The following SMC4 variants were observed in gnomAD, a reference collection of about 807,000 sequenced individuals.
The protein encoded by SMC4 is structural maintenance of chromosomes 4, also known as structural maintenance of chromosomes protein 4.
In SMC4, 87 loss-of-function variants were observed where a neutral mutation model predicts 145.6. That is an observed-to-expected ratio of 0.60 (90% CI 0.50 to 0.71). The LOEUF is 0.71. SMC4 is among the 30% of genes least tolerant of loss of function. SMC4 has a pLI of 0.00. For synonymous variants in SMC4, 558 were observed against 500.7 expected, an observed-to-expected ratio of 1.11 and a Z score of -1.53; for missense variants, 1,447 against 1,537.1, an observed-to-expected ratio of 0.94 and a Z score of 0.98.
intron 13 of SMC4, among the ~76,000 whole-genome samples, chr3:160,422,003 A>G (rs1232764826): frequency 6.6e-6 from 1 of 152,234 alleles, no homozygotes; most frequent in East Asian, 1.9e-4. Context: ...TTTACTTAGC[A>G]GGTTTTCAGG....
At chr3:160,411,775 C>A (rs1257186404) in intron 5 of SMC4, 145 bp from the exon 6 acceptor site, 2 of 557,694 alleles carry the variant, frequency 3.6e-6, no homozygotes, top group Admixed American at 3.3e-5. Flanking sequence ...TTTATTTATA[C>A]CTTATTAAAT....
At chr3:160,432,939 A>G in intron 22 of SMC4, 87 bp from the exon 23 acceptor site, 1 of 839,686 alleles carries the variant, frequency 1.2e-6, no homozygotes, top group Non-Finnish European at 1.9e-6. Flanking sequence ...TAAAAAAGAT[A>G]GTAGAACTCA....
At chr3:160,425,802 A>G (rs1717728738) in intron 16 of SMC4, among the ~76,000 whole-genome samples, 1 of 152,214 alleles carries the variant, frequency 6.6e-6, no homozygotes. Flanking sequence ...ATATTCAAAT[A>G]ATTATTTTTC....
rs762532551 is a variant in SMC4 at position 160,416,274 on chromosome 3, T to C, written c.1296T>C (p.Pro432=). The part of the protein sequence containing the change: ...KEKVEEFKSI[P]AKSNNIINET... ...AGGTTGAAGAATTTAAAAGTATACC[T>C]GCCAAGAGTAACAATATCATTAATG... is the stretch of plus-strand genomic sequence containing the variant. The change falls in exon 10 of 24, where the codon CCT becomes CCC. Residue 432 remains proline, a synonymous_variant. Coordinates refer to ENST00000357388, the MANE Select transcript of SMC4 (RefSeq NM_001002800.3). 6.3e-7 allele frequency: 1 copy of C among 1,594,990 alleles called. No homozygotes were observed. The highest frequency in any genetic ancestry group is 8.5e-7 in the Non-Finnish European group (1 of 1,173,040).
At chr3:160,410,985 G>A (rs1404629388) in intron 5 of SMC4, among the ~76,000 whole-genome samples, 1 of 152,094 alleles carries the variant, frequency 6.6e-6, no homozygotes, top group Non-Finnish European at 1.5e-5. Flanking sequence ...ATAGTCTAGA[G>A]TACAAACAAG....
At chr3:160,417,555 A>T (rs1052532354) in intron 10 of SMC4, 168 bp from the exon 11 acceptor site, 2 of 615,158 alleles carry the variant, frequency 3.3e-6, no homozygotes, top group African/African-American at 3.7e-5. Context: ...GTGAATATTG[A>T]CAACTAGGCA....
intron 18 of SMC4, 152 bp from the exon 19 acceptor site, chr3:160,430,447 T>G (rs530399874): frequency 1.2e-5 from 8 of 651,522 alleles, no homozygotes; most frequent in Admixed American, 9.3e-5. Flanking sequence ...CTACAAAAAC[T>G]GATTTAAGGA....
chr3:160,412,402 C>A lies in SMC4; in HGVS notation c.929C>A (p.Thr310Asn), dbSNP rs1056638897. 2 of 1,605,770 alleles carry A rather than the reference C, an allele frequency of 1.2e-6. No homozygotes were observed. The highest frequency in any genetic ancestry group is 1.7e-6 in the Non-Finnish European group (2 of 1,173,434). Reference protein sequence around the residue: ...GEKNIAIEFLTLENEIFRKKN... With the variant: ...GEKNIAIEFLNLENEIFRKKN... ...AAAAACATAGCTATCGAATTTCTTA[C>A]CTTGGAAAATGAAATATTTAGAAAA... Residue 310 changes from threonine to asparagine, a missense_variant, in exon 7 of 24, where the codon ACC becomes AAC. Transcript: ENST00000357388.
chr3:160,431,211 ATTG>A lies in SMC4; in HGVS notation c.3114+9_3114+11del. The A allele has an allele frequency of 6.4e-7, 1 of 1,567,372 alleles. No homozygotes were observed. The highest frequency in any genetic ancestry group is 8.6e-7 in the Non-Finnish European group (1 of 1,161,256). ...TAAAATATTGGCACAAAGAGGTGAG[ATTG>A]TTACCGTTTAGTTTAATTTTAAACA... On this transcript the variant is annotated splice_region_variant and intron_variant, in intron 20 of 23. Transcript: ENST00000357388.
rs149574120 is a variant in SMC4, at chr3:160,404,232, A to G, written c.511-96A>G. The G allele has an allele frequency of 3.1e-4, 359 of 1,148,984 alleles. 3 individuals are homozygous for G. In the East Asian group the frequency reaches 9.0e-3, roughly 29 times the overall value. 71.2% of individuals were successfully genotyped at this position (1,148,984 alleles called of 1,614,324 possible). Reference sequence around the variant, plus strand: ...CATGTTCAATTGAAGTTTTTAATCCATAGAATTAGTTTCAGTATGAAATGA... The same window carrying G: ...CATGTTCAATTGAAGTTTTTAATCCGTAGAATTAGTTTCAGTATGAAATGA... On this transcript the variant is annotated intron_variant, in intron 4 of 23. Coordinates refer to ENST00000357388, the MANE Select transcript of SMC4 (RefSeq NM_001002800.3).
At chr3:160,431,557 T>G (rs896737471) in intron 20 of SMC4, 86 bp from the exon 21 acceptor site, 4 of 1,014,684 alleles carry the variant, frequency 3.9e-6, no homozygotes, top group Non-Finnish European at 5.8e-6. Context: ...TTTTCATAGC[T>G]GTGTAATTTG....
chr3:160,421,279 CT>C (rs1405998000), intron 13 of SMC4, among the ~76,000 whole-genome samples: 3 of 152,004 alleles, frequency 2.0e-5, no homozygotes, highest in Non-Finnish European at 4.4e-5. Context: ...TGGATTCAGG[CT>C]TTTTCTTAAT....
intron 18 of SMC4, among the ~76,000 whole-genome samples, chr3:160,429,648 C>G (rs1192936665): frequency 6.7e-6 from 1 of 149,432 alleles, no homozygotes; most frequent in Non-Finnish European, 1.5e-5. Flanking sequence ...CACCCAGCCA[C>G]CTTAAAATTT....
intron 23 of SMC4, 82 bp downstream of exon 23, chr3:160,433,291 C>A (rs1234697249): frequency 3.1e-6 from 3 of 977,230 alleles, no homozygotes; most frequent in Admixed American, 2.3e-5. Context: ...TTATTTCTTA[C>A]AATTGAGCTT....
chr3:160,423,030 G>T (rs184675411), intron 13 of SMC4, among the ~76,000 whole-genome samples: 3 of 152,214 alleles, frequency 2.0e-5, no homozygotes, highest in African/African-American at 7.2e-5. Context: ...GATTATTGCA[G>T]CATTGTAATA....
chr3:160,409,099 T>TACTAAAA (rs1715668521), intron 5 of SMC4, among the ~76,000 whole-genome samples: 2 of 142,544 alleles, frequency 1.4e-5, no homozygotes, highest in South Asian at 4.5e-4. Context: ...ACCCCGTCTC[T>TACTAAAA]ACTAAAAAAT....
chr3:160,407,561 A>G (rs544140389), intron 5 of SMC4, among the ~76,000 whole-genome samples: 153 of 151,880 alleles, frequency 1.0e-3, no homozygotes, highest in African/African-American at 3.6e-3. Flanking sequence ...TAAATAAATA[A>G]TAGCCAAGTT....
Position 160,433,838 on chromosome 3 carries a change from T to C in SMC4, c.*29T>C. On this transcript the variant is annotated 3_prime_UTR_variant, in exon 24 of 24. Transcript: ENST00000357388. ...TTATGCTGAAGATTCTTCAAGTTGA[T>C]TCAGTGTATTACTGATTTTTTTCTA... 1 of 1,559,862 alleles carries C rather than the reference T, an allele frequency of 6.4e-7. No individual in the cohort carries two copies. Among genetic ancestry groups the C allele is most frequent in the Non-Finnish European group, 8.8e-7 (1 of 1,142,302 alleles).
At chr3:160,406,276 T>C (rs953037363) in intron 5 of SMC4, among the ~76,000 whole-genome samples, 7 of 152,102 alleles carry the variant, frequency 4.6e-5, no homozygotes, top group African/African-American at 1.7e-4. Context: ...TTTGACTCAA[T>C]TAAATTTATA....
Sources: gnomAD v4.1 joint callset for allele counts (sites outside exome capture counted in the v4.1 genomes callset) on GRCh38, gnomAD v4.1.1 for gene constraint, MANE v1.5 for transcripts, NCBI Gene and HGNC (gene_info 2026-07-23, HGNC 2026-07-21) for gene names.